Variants in PLEKHA2 observed in about 807,000 individuals in gnomAD.
PLEKHA2 encodes pleckstrin homology domain-containing family A member 2.
Under a neutral mutation model 53.2 loss-of-function variants are expected in PLEKHA2, and 28 were observed. The observed-to-expected ratio is 0.53, with a 90% CI of 0.39 to 0.72. The LOEUF (loss-of-function observed/expected upper bound fraction) is 0.72, where lower values mean the gene tolerates loss of function less well. PLEKHA2 is among the 30% of genes least tolerant of loss of function. The pLI is 0.00. For synonymous variants in PLEKHA2, 193 were observed against 196.4 expected (o/e 0.98, Z 0.14); for missense variants, 426 against 537.9 (o/e 0.79, Z 2.06).
At position 38,952,651 on chromosome 8, in the gene PLEKHA2, C is replaced by T. The variant is rs540927071; in HGVS notation, c.649C>T (p.Arg217Cys). The T allele has an allele frequency of 8.1e-6, 13 of 1,609,890 alleles. No individual in the cohort carries two copies. The highest frequency in any genetic ancestry group is 1.7e-5 in the Admixed American group (1 of 60,016). ...KQGNVRKSWK[R>C]RFFALDDFTI... is the part of the protein sequence containing the mutation. The stretch of plus-strand genomic sequence containing the variant: ...TTTATTACAGCGGAAGAGCTGGAAA[C>T]GTCGCTTCTTTGCACTTGATGACTT... The change falls in exon 8 of 12, where the codon CGT (arginine) becomes TGT (cysteine). Residue 217 changes from arginine (R) to cysteine (C), a missense_variant. Physicochemically the swap from Arg to Cys is radical, Grantham distance 180 (BLOSUM62 -3). Transcript: ENST00000617275.
intron 3 of PLEKHA2, among the ~76,000 whole-genome samples, chr8:38,937,269 G>T (rs886931337): frequency 6.6e-6 from 1 of 152,142 alleles, no homozygotes; most frequent in Non-Finnish European, 1.5e-5. Context: ...CACAGCTGCC[G>T]GCAATTTGTG....
At chr8:38,941,622 G>A (rs1271987647) in intron 3 of PLEKHA2, among the ~76,000 whole-genome samples, 1 of 152,176 alleles carries the variant, frequency 6.6e-6, no homozygotes, top group East Asian at 1.9e-4. Context: ...CGTAGTTCCA[G>A]GTGGGACACT....
chr8:38,932,184 C>T (rs1834405970), intron 2 of PLEKHA2, among the ~76,000 whole-genome samples: 1 of 152,096 alleles, frequency 6.6e-6, no homozygotes, highest in African/African-American at 2.4e-5. Flanking sequence ...TTTGTAGAGA[C>T]AGAGTCTTGC....
At position 38,952,376 on chromosome 8, in the gene PLEKHA2, C is replaced by G. The variant is rs1834861720; in HGVS notation, c.633+64C>G. The G allele has an allele frequency of 4.5e-6, 7 of 1,569,742 alleles. No homozygotes were observed. The South Asian group carries it at 8.3e-5, about 19-fold the overall frequency. On this transcript the variant is annotated intron_variant, in intron 7 of 11. Coordinates refer to ENST00000617275, the MANE Select transcript of PLEKHA2 (RefSeq NM_021623.2). Reference sequence around the variant, plus strand: ...ACTCCTCAGAGCCAGTGGCTGTAGACATAGCAGAGGTGAGAGGGGATTGAC... The same window carrying G: ...ACTCCTCAGAGCCAGTGGCTGTAGAGATAGCAGAGGTGAGAGGGGATTGAC...
chr8:38,938,651 C>T (rs1232925483), intron 3 of PLEKHA2, among the ~76,000 whole-genome samples: 1 of 152,200 alleles, frequency 6.6e-6, no homozygotes, highest in Non-Finnish European at 1.5e-5. Flanking sequence ...GGGACCTGTG[C>T]CCACTCCCTG....
At chr8:38,908,871 G>A (rs1240098788) in intron 1 of PLEKHA2, among the ~76,000 whole-genome samples, 2 of 152,072 alleles carry the variant, frequency 1.3e-5, no homozygotes, top group East Asian at 3.8e-4. Flanking sequence ...TGGGCCAGGC[G>A]CGGTGGCTCA....
chr8:38,921,433 C>T (rs1834192413), intron 2 of PLEKHA2, among the ~76,000 whole-genome samples: 1 of 152,246 alleles, frequency 6.6e-6, no homozygotes, highest in African/African-American at 2.4e-5. Flanking sequence ...CCCTGGGTCA[C>T]AGACTGAGAG....
chr8:38,942,844 A>T (rs1368712803), intron 3 of PLEKHA2, among the ~76,000 whole-genome samples: 1 of 152,226 alleles, frequency 6.6e-6, no homozygotes, highest in African/African-American at 2.4e-5. Context: ...AACAGGAGGT[A>T]TAGAAATACC....
chr8:38,905,685 C>CTTT (rs5891048), intron 1 of PLEKHA2, among the ~76,000 whole-genome samples: 48 of 117,586 alleles, frequency 4.1e-4, no homozygotes, highest in African/African-American at 5.8e-4. Context: ...TGTGTTTTTG[C>CTTT]TTTTTTTTTT....
intron 10 of PLEKHA2, among the ~76,000 whole-genome samples, chr8:38,968,079 C>A (rs1249034522): frequency 5.9e-5 from 9 of 152,076 alleles, no homozygotes; most frequent in Admixed American, 1.3e-4. Context: ...TTTCTGAAGG[C>A]AATACATATC....
chr8:38,923,743 G>A (rs999500133), intron 2 of PLEKHA2, among the ~76,000 whole-genome samples: 3 of 152,190 alleles, frequency 2.0e-5, no homozygotes, highest in African/African-American at 7.2e-5. Flanking sequence ...CTTCATAGAG[G>A]AGGTGTCACT....
Position 38,917,423 on chromosome 8 carries a change from C to T in PLEKHA2, c.-23-484C>T, listed in dbSNP as rs185853321. Among the ~76,000 whole-genome samples, 64 of 152,230 alleles carry T rather than the reference C, an allele frequency of 4.2e-4. No individual in the cohort carries two copies. In the East Asian group the frequency reaches 8.5e-3, roughly 20 times the overall value. On this transcript the variant is annotated intron_variant, in intron 1 of 11. Coordinates refer to ENST00000617275, the MANE Select transcript of PLEKHA2 (RefSeq NM_021623.2). ...TTCTTCCATGTATAAAATTGAGTTG[C>T]GAGCCACTTCACAAGGTTTTGTGCA...
At chr8:38,907,833 T>G (rs1833901226) in intron 1 of PLEKHA2, among the ~76,000 whole-genome samples, 1 of 151,450 alleles carries the variant, frequency 6.6e-6, no homozygotes, top group Non-Finnish European at 1.5e-5. Context: ...TATGTATGTA[T>G]GTATGTATGT....
In PLEKHA2 at chr8:38,960,893, A is replaced by G. The variant is rs73617907; in HGVS notation, c.837+3507A>G. On this transcript the variant is annotated intron_variant, in intron 10 of 11. Transcript: ENST00000617275. ...CTCTTACATTAAAATCCATTGGTCA[A>G]TTTTGCACTTTGAATAGATACTTTT... The G allele has an allele frequency of 5.7e-3, 868 of 152,318 alleles. 7 individuals are homozygous for G. Among genetic ancestry groups the G allele is most frequent in the African/African-American group, 0.02 (818 of 41,552 alleles). 9.4% of individuals were successfully genotyped at this position (152,318 alleles called of 1,614,324 possible).
intron 2 of PLEKHA2, among the ~76,000 whole-genome samples, chr8:38,928,675 C>T (rs908642902): frequency 1.3e-5 from 2 of 152,124 alleles, no homozygotes; most frequent in African/African-American, 2.4e-5. Context: ...TGTCTGTCAA[C>T]AAGAAATCGA....
intron 2 of PLEKHA2, among the ~76,000 whole-genome samples, chr8:38,935,509 C>T (rs564712404): frequency 6.6e-6 from 1 of 151,696 alleles, no homozygotes; most frequent in Admixed American, 6.6e-5. Context: ...GCCTCTATCT[C>T]CTGGGCTCCA....
chr8:38,920,344 CG>C (rs1448789651), intron 2 of PLEKHA2, among the ~76,000 whole-genome samples: 1 of 151,838 alleles, frequency 6.6e-6, no homozygotes. Context: ...TTAGTAGAGA[CG>C]GGGTTTCACT....
chr8:38,906,603 C>T (rs568266290), intron 1 of PLEKHA2, among the ~76,000 whole-genome samples: 1 of 152,300 alleles, frequency 6.6e-6, no homozygotes, highest in East Asian at 1.9e-4. Context: ...AGTACGTTCC[C>T]TTCTCTCGCA....
intron 2 of PLEKHA2, among the ~76,000 whole-genome samples, chr8:38,929,266 A>G (rs1355158126): frequency 1.3e-5 from 2 of 152,154 alleles, no homozygotes; most frequent in Admixed American, 1.3e-4. Context: ...GTCAGATGGC[A>G]CCAGCATCTC....
Sources: gnomAD v4.1 joint callset for allele counts (sites outside exome capture counted in the v4.1 genomes callset) on GRCh38, gnomAD v4.1.1 for gene constraint, MANE v1.5 for transcripts, NCBI Gene and HGNC (gene_info 2026-07-23, HGNC 2026-07-21) for gene names.